SYNRG: variants seen among roughly 807,000 people sequenced by gnomAD.
SYNRG encodes AP1 gamma subunit binding protein 1.
SYNRG carries 37 observed loss-of-function variants against 130.9 expected under a neutral mutation model. That is an observed-to-expected ratio of 0.28 (90% CI 0.22 to 0.37). The LOEUF is 0.37. SYNRG is among the 10% of genes least tolerant of loss of function. The pLI, the probability that SYNRG is intolerant of heterozygous loss-of-function variation, is 1.00. For synonymous variants in SYNRG, 539 were observed against 568.1 expected (o/e 0.95, Z 0.73); for missense variants, 1,338 against 1,588.9 (o/e 0.84, Z 2.68).
At position 37,536,076 on chromosome 17, in the gene SYNRG, G is replaced by C; in HGVS notation, c.3569C>G (p.Ala1190Gly). Residue 1190 changes from alanine (A) to glycine (G), a missense_variant, in exon 19 of 22, where the codon GCC becomes GGC. Physicochemically the swap from Ala to Gly is moderately conservative, Grantham distance 60. Around this residue, in one of 3 missense-constraint regions of SYNRG, gnomAD observed 1,146 missense variants for 1,342.3 expected, o/e 0.85. Transcript: ENST00000612223. ...GAGTTTCTCACTGCACACTGCAGTGGCTTTTATCCCCAGCTCCACACGCTT... is the reference window on the plus strand; with the variant it reads ...GAGTTTCTCACTGCACACTGCAGTGCCTTTTATCCCCAGCTCCACACGCTT... Reference protein sequence around the residue: ...VTKRVELGIKATAVCSEKLQQ... With the variant: ...VTKRVELGIKGTAVCSEKLQQ... 6.2e-7 allele frequency: 1 copy of C among 1,614,020 alleles called. No individual in the cohort carries two copies. The highest frequency in any genetic ancestry group is 8.5e-7 in the Non-Finnish European group (1 of 1,179,972).
Position 37,577,413 on chromosome 17 carries a change from T to C in SYNRG, c.790A>G (p.Thr264Ala). ...SGTTTAEAEN[T>A]SDQNLSIEES... ...TCAATTGACAGGTTTTGATCTGAAG[T>C]ATTTTCTGCCTCTGCAGTGGTGGTA... is the stretch of plus-strand genomic sequence containing the variant. The change falls in exon 7 of 22, where the codon ACT becomes GCT. Residue 264 changes from threonine to alanine, a missense_variant. Coordinates refer to ENST00000612223, the MANE Select transcript of SYNRG (RefSeq NM_007247.6). 1 of 1,614,246 alleles carries C rather than the reference T, an allele frequency of 6.2e-7. No individual in the cohort carries two copies. The highest frequency in any genetic ancestry group is 8.5e-7 in the Non-Finnish European group (1 of 1,180,054).
chr17:37,561,008 T>TA (rs1790251975), intron 13 of SYNRG, among the ~76,000 whole-genome samples, 187 bp downstream of exon 13: 1 of 152,214 alleles, frequency 6.6e-6, no homozygotes, highest in Non-Finnish European at 1.5e-5. Flanking sequence ...TTAGAATACT[T>TA]ATAGTTTGAG....
intron 19 of SYNRG, among the ~76,000 whole-genome samples, chr17:37,535,617 G>C: frequency 6.6e-6 from 1 of 152,188 alleles, no homozygotes; most frequent in Middle Eastern, 3.2e-3. Flanking sequence ...GGCAACATGA[G>C]GTATCATATA....
In SYNRG at chr17:37,577,728, TCAC is replaced by T; in HGVS notation, c.590-118_590-116del. 4.0e-6 allele frequency: 3 copies of T among 753,754 alleles called. No homozygotes were observed. In the African/African-American group the frequency reaches 6.0e-5, roughly 15 times the overall value. The allele number at this position is 753,754 out of a possible 1,614,324, so 46.7% of individuals were successfully genotyped here. A position where few individuals can be genotyped will look rare whatever the true frequency, so the allele number is the denominator to read the frequency against. On this transcript the variant is annotated intron_variant, in intron 6 of 21. Coordinates refer to ENST00000612223, the MANE Select transcript of SYNRG (RefSeq NM_007247.6). ...TTTTTTTTTTTTTTGAGATGGAATC[TCAC>T]TCTGTCACCCAGGCTGTAGTGTACT...
In SYNRG at chr17:37,596,204, C is replaced by T. The variant is rs1227413686; in HGVS notation, c.240+19G>A. Reference sequence around the variant, plus strand: ...AACAAACAATAACTTTGTAAGAAACCAACTAAAGAAGCAAGTACCTGCATA... The same window carrying T: ...AACAAACAATAACTTTGTAAGAAACTAACTAAAGAAGCAAGTACCTGCATA... On this transcript the variant is annotated intron_variant, in intron 3 of 21. Coordinates refer to ENST00000612223, the MANE Select transcript of SYNRG (RefSeq NM_007247.6). 5 of 1,611,572 alleles carry T rather than the reference C, an allele frequency of 3.1e-6. No individual in the cohort carries two copies. In the Admixed American group the frequency reaches 8.4e-5, roughly 27 times the overall value.
In SYNRG at chr17:37,570,717, C is replaced by T. The variant is rs1311541961; in HGVS notation, c.1267G>A (p.Gly423Ser). The T allele has an allele frequency of 4.3e-6, 7 of 1,614,106 alleles. No individual in the cohort carries two copies. The highest frequency in any genetic ancestry group is 2.2e-5 in the East Asian group (1 of 44,900). ...CCCACTGGTCCAACAAGGTTAATGCCCATGACTGGCTGTCCAAGGCTGAGG... is the reference window on the plus strand; with the variant it reads ...CCCACTGGTCCAACAAGGTTAATGCTCATGACTGGCTGTCCAAGGCTGAGG... ...MPLSLGQPVM[G>S]INLVGPVGGA... The change falls in exon 10 of 22, where the codon GGC becomes AGC. Residue 423 changes from glycine to serine, a missense_variant. Gly to Ser is a moderately conservative substitution (Grantham distance 56). Transcript: ENST00000612223.
chr17:37,552,075 G>A (rs766554260), intron 14 of SYNRG, among the ~76,000 whole-genome samples: 31 of 152,086 alleles, frequency 2.0e-4, no homozygotes, highest in African/African-American at 6.5e-4. Context: ...TTTGTTTTCC[G>A]ACTTGCCAAT....
In SYNRG at chr17:37,570,755, G is replaced by A. The variant is rs753877348; in HGVS notation, c.1229C>T (p.Ala410Val). ...SQPTVIPSGP[A>V]GSMPLSLGQP... ...TCCAAGGCTGAGGGGCATGGAGCCC[G>A]CAGGACCTGAAGGTATCACAGTTGG... Residue 410 changes from alanine (A) to valine (V), a missense_variant, in exon 10 of 22, where the codon GCG (alanine) becomes GTG (valine). Around this residue, in one of 3 missense-constraint regions of SYNRG, gnomAD observed 1,146 missense variants for 1,342.3 expected, o/e 0.85. Transcript: ENST00000612223. 4.0e-5 allele frequency: 65 copies of A among 1,614,086 alleles called. 1 individual carries two copies. In the East Asian group the frequency reaches 4.5e-4, roughly 11 times the overall value.
chr17:37,535,102 T>A (rs967666572), intron 19 of SYNRG, among the ~76,000 whole-genome samples: 1 of 152,144 alleles, frequency 6.6e-6, no homozygotes, highest in African/African-American at 2.4e-5. Flanking sequence ...CAAGCTTATA[T>A]ATATGTATAT....
At chr17:37,577,816 A>G (rs565900202) in intron 6 of SYNRG, among the ~76,000 whole-genome samples, 75 of 148,828 alleles carry the variant, frequency 5.0e-4, no homozygotes, top group African/African-American at 1.8e-3. Context: ...CTCCTGCCTC[A>G]GCCTCCTTAG....
chr17:37,591,158 TCAATTG>T (rs1333859520), intron 3 of SYNRG, among the ~76,000 whole-genome samples: 1 of 152,168 alleles, frequency 6.6e-6, no homozygotes, highest in East Asian at 1.9e-4. Context: ...ACATAAACAA[TCAATTG>T]TATTTCTATA....
Position 37,542,049 on chromosome 17 carries a change from G to C in SYNRG, c.3125C>G (p.Ala1042Gly). ...PKISKFDFLV[A>G]TSQSKMKSSE... is the part of the protein sequence containing the mutation. ...GGATTTCATTTTGCTTTGTGAAGTG[G>C]CTACTAAGAAGTCAAATTTGCTGAT... is the stretch of plus-strand genomic sequence containing the variant. Residue 1042 changes from alanine (A) to glycine (G), a missense_variant, in exon 15 of 22, where the codon GCC (alanine) becomes GGC (glycine). Physicochemically the swap from Ala to Gly is moderately conservative, Grantham distance 60. Transcript: ENST00000612223. 1 of 1,614,148 alleles carries C rather than the reference G, an allele frequency of 6.2e-7. No individual in the cohort carries two copies. Among genetic ancestry groups the C allele is most frequent in the Non-Finnish European group, 8.5e-7 (1 of 1,180,022 alleles).
chr17:37,607,314 A>T (rs1213774306), intron 1 of SYNRG, among the ~76,000 whole-genome samples: 2 of 152,192 alleles, frequency 1.3e-5, no homozygotes, highest in African/African-American at 2.4e-5. Flanking sequence ...AATGCACTTG[A>T]ATTTCTGAAC....
chr17:37,553,101 C>T lies in SYNRG; in HGVS notation c.2608+14G>A, dbSNP rs764104600. ...TACAACACCATCACCAGAGCAATCT[C>T]ACCAATTCCTCACCTGCAGCAGGAG... On this transcript the variant is annotated intron_variant, in intron 14 of 21. Coordinates refer to ENST00000612223, the MANE Select transcript of SYNRG (RefSeq NM_007247.6). 8.7e-6 allele frequency: 14 copies of T among 1,605,012 alleles called. No individual in the cohort carries two copies. The South Asian group carries it at 1.6e-4, about 18-fold the overall frequency.
intron 14 of SYNRG, among the ~76,000 whole-genome samples, chr17:37,544,925 G>A (rs2058133943): frequency 6.6e-6 from 1 of 152,128 alleles, no homozygotes; most frequent in African/African-American, 2.4e-5. Context: ...AAGGTTAGCA[G>A]GCTGGGCATG....
intron 13 of SYNRG, among the ~76,000 whole-genome samples, chr17:37,555,328 C>T (rs1005001068): frequency 3.9e-5 from 6 of 152,094 alleles, no homozygotes; most frequent in South Asian, 2.1e-4. Flanking sequence ...GGTTTCACCA[C>T]GTCACGTAGG....
At chr17:37,578,263 G>A (rs1568459247) in intron 6 of SYNRG, among the ~76,000 whole-genome samples, 3 of 151,808 alleles carry the variant, frequency 2.0e-5, no homozygotes, top group Admixed American at 6.6e-5. Context: ...CCCAGGAGGC[G>A]GAGGTTGCAG....
chr17:37,532,560 C>G (rs1397694932), intron 19 of SYNRG, among the ~76,000 whole-genome samples: 1 of 151,292 alleles, frequency 6.6e-6, no homozygotes, highest in Admixed American at 6.6e-5. Context: ...GTAATCCCAA[C>G]TACTTGGGAG....
intron 13 of SYNRG, 109 bp downstream of exon 13, chr17:37,561,086 C>CAG: frequency 2.2e-6 from 2 of 900,810 alleles, no homozygotes; most frequent in Non-Finnish European, 3.5e-6. Context: ...CCTAAACACA[C>CAG]AGACACACAC....
Sources: allele counts gnomAD v4.1 joint callset (sites outside exome capture counted in the v4.1 genomes callset), GRCh38; gene constraint gnomAD v4.1.1; regional missense constraint gnomAD v4.1.1; transcripts MANE v1.5; gene names NCBI Gene and HGNC (gene_info 2026-07-23, HGNC 2026-07-21).